KCNK3: variants seen among roughly 807,000 people sequenced by gnomAD.
The protein encoded by KCNK3 is potassium two pore domain channel subfamily K member 3, also known as potassium channel subfamily K member 3.
Under a neutral mutation model 27.3 loss-of-function variants are expected in KCNK3, and 9 were observed. The observed-to-expected ratio is 0.33, with a 90% CI of 0.20 to 0.57. The LOEUF (loss-of-function observed/expected upper bound fraction) is 0.57, where lower values mean the gene tolerates loss of function less well. Among genes scored for constraint, KCNK3 ranks in the 20% least tolerant of loss-of-function variants. The pLI is 0.87. For synonymous variants in KCNK3, 278 were observed against 273.8 expected, an observed-to-expected ratio of 1.02 and a Z score of -0.15; for missense variants, 391 against 577.7, an observed-to-expected ratio of 0.68 and a Z score of 3.31.
chr2:26,710,385 C>T (rs932738594), intron 1 of KCNK3, among the ~76,000 whole-genome samples: 1 of 152,188 alleles, frequency 6.6e-6, no homozygotes, highest in Admixed American at 6.5e-5. Flanking sequence ...CTCGGTGCTT[C>T]TCGAGAAGGG....
Position 26,721,656 on chromosome 2 carries a change from C to T in KCNK3, c.284-6011C>T, listed in dbSNP as rs1663330270. Among the ~76,000 whole-genome samples, 1 of 152,124 alleles carries T rather than the reference C, an allele frequency of 6.6e-6. No homozygotes were observed. Among genetic ancestry groups the T allele is most frequent in the Admixed American group, 6.5e-5 (1 of 15,274 alleles). ...GGGAGCCCAGCCTTCCTCTGAGGGC[C>T]CTCCCTGTGTCTTGCAGCCCCCAGA... On this transcript the variant is annotated intron_variant, in intron 1 of 1. Coordinates refer to ENST00000302909, the MANE Select transcript of KCNK3 (RefSeq NM_002246.3). This position sits in a 1 kb window ranked among gnomAD's most constrained non-coding sequence, Gnocchi z 4.3.
chr2:26,714,571 A>G (rs540476103), intron 1 of KCNK3, among the ~76,000 whole-genome samples: 1 of 21,466 alleles, frequency 4.7e-5, no homozygotes, highest in African/African-American at 1.8e-4. Flanking sequence ...CCAGGCCATC[A>G]TTTTCCAGAA....
chr2:26,732,395 T>C lies in KCNK3; in HGVS notation c.*3827T>C, dbSNP rs1663556796. The C allele has an allele frequency of 6.6e-6, 1 of 152,238 alleles. No homozygotes were observed. Among genetic ancestry groups the C allele is most frequent in the African/African-American group, 2.4e-5 (1 of 41,452 alleles). The allele number at this position is 152,238 out of a possible 1,614,324, so 9.4% of individuals were successfully genotyped here. On this transcript the variant is annotated 3_prime_UTR_variant, in exon 2 of 2. Transcript: ENST00000302909. ...CTGCTAATGGTTTAATACCTGCAGA[T>C]TGAAATATACTGGAGAAATAAAGAG...
chr2:26,711,430 A>G (rs994647261), intron 1 of KCNK3, among the ~76,000 whole-genome samples: 1 of 152,188 alleles, frequency 6.6e-6, no homozygotes, highest in African/African-American at 2.4e-5. Context: ...AGTGACTCCC[A>G]GTCTGGAAGT....
chr2:26,699,964 C>A (rs1396712725), intron 1 of KCNK3, among the ~76,000 whole-genome samples: 1 of 152,188 alleles, frequency 6.6e-6, no homozygotes, highest in East Asian at 1.9e-4. Flanking sequence ...CCCCATGGAG[C>A]CTCTGCGACT....
At chr2:26,724,049 C>T (rs534933200) in intron 1 of KCNK3, among the ~76,000 whole-genome samples, 3 of 152,338 alleles carry the variant, frequency 2.0e-5, no homozygotes, top group African/African-American at 7.2e-5. Flanking sequence ...AGGCAGGCAG[C>T]GGGCCTGCTG....
At chr2:26,698,524 G>A (rs1045160970) in intron 1 of KCNK3, among the ~76,000 whole-genome samples, 46 of 152,298 alleles carry the variant, frequency 3.0e-4, no homozygotes, top group African/African-American at 1.1e-3. Flanking sequence ...TACAGAGAAG[G>A]CACTTAATAA....
chr2:26,725,983 C>G (rs1419798912), intron 1 of KCNK3, among the ~76,000 whole-genome samples: 1 of 152,128 alleles, frequency 6.6e-6, no homozygotes, highest in Non-Finnish European at 1.5e-5. Flanking sequence ...GTGCATTACA[C>G]ACATGATCTT....
intron 1 of KCNK3, among the ~76,000 whole-genome samples, chr2:26,708,524 A>G (rs1317103992): frequency 6.6e-6 from 1 of 152,078 alleles, no homozygotes. Context: ...AAGAAATACA[A>G]AAAAATTAGC....
At chr2:26,719,433 T>G (rs1205670839) in intron 1 of KCNK3, among the ~76,000 whole-genome samples, 2 of 152,148 alleles carry the variant, frequency 1.3e-5, no homozygotes. Flanking sequence ...GCATTTCCTA[T>G]CCACCCTTCA....
At position 26,728,668 on chromosome 2, in the gene KCNK3, CACA is replaced by C; in HGVS notation, c.*104_*106del. ...CTGCCTTCTGCCCAGTGGGACCCCG[CACA>C]ACATCCCTCACCACTCTCCCCCAGC... On this transcript the variant is annotated 3_prime_UTR_variant, in exon 2 of 2. Transcript: ENST00000302909. 1 of 994,530 alleles carries C rather than the reference CACA, an allele frequency of 1.0e-6. No individual in the cohort carries two copies. Among genetic ancestry groups the C allele is most frequent in the South Asian group, 2.3e-5 (1 of 43,208 alleles). The allele number at this position is 994,530 out of a possible 1,614,324, so 61.6% of individuals were successfully genotyped here.
At chr2:26,711,936 G>C (rs769046035) in intron 1 of KCNK3, among the ~76,000 whole-genome samples, 23 of 152,114 alleles carry the variant, frequency 1.5e-4, no homozygotes, top group Non-Finnish European at 2.8e-4. Flanking sequence ...AGATTGCCTG[G>C]GTCCTCGGGA....
intron 1 of KCNK3, among the ~76,000 whole-genome samples, chr2:26,694,162 T>C (rs1237105174): frequency 6.6e-6 from 1 of 152,140 alleles, no homozygotes; most frequent in Non-Finnish European, 1.5e-5. Context: ...GCAAGTCCCT[T>C]CCCCTGTCTG....
At chr2:26,697,956 C>T (rs1011390669) in intron 1 of KCNK3, among the ~76,000 whole-genome samples, 14 of 152,124 alleles carry the variant, frequency 9.2e-5, no homozygotes, top group African/African-American at 3.1e-4. Context: ...TCCCAGAGGT[C>T]CTAAAATAAG....
chr2:26,699,793 C>T (rs1382823804), intron 1 of KCNK3, among the ~76,000 whole-genome samples: 1 of 152,214 alleles, frequency 6.6e-6, no homozygotes, highest in Non-Finnish European at 1.5e-5. Context: ...CTCCACACTG[C>T]TCCAGGACGG....
intron 1 of KCNK3, among the ~76,000 whole-genome samples, chr2:26,720,150 G>A (rs529223935): frequency 8.4e-4 from 128 of 152,342 alleles, no homozygotes; most frequent in Admixed American, 1.5e-3. Flanking sequence ...AGCTACTCGG[G>A]AGGCTGAGGC....
chr2:26,712,946 A>T (rs191043576), intron 1 of KCNK3, among the ~76,000 whole-genome samples: 1 of 152,222 alleles, frequency 6.6e-6, no homozygotes, highest in African/African-American at 2.4e-5. Context: ...GCCAGCCCAG[A>T]GCTGTCTGGG....
chr2:26,719,321 C>T (rs377290926), intron 1 of KCNK3, among the ~76,000 whole-genome samples: 2 of 152,330 alleles, frequency 1.3e-5, no homozygotes, highest in South Asian at 2.1e-4. Context: ...TTTGTGAGCA[C>T]ACCCACCAGT....
chr2:26,695,221 C>T (rs2148252865), intron 1 of KCNK3, among the ~76,000 whole-genome samples: 1 of 152,098 alleles, frequency 6.6e-6, no homozygotes, highest in Non-Finnish European at 1.5e-5. Flanking sequence ...TTTTTCTTTT[C>T]TTTTTTCTTT....
Sources: allele counts gnomAD v4.1 joint callset (sites outside exome capture counted in the v4.1 genomes callset), GRCh38; gene constraint gnomAD v4.1.1; non-coding constraint Gnocchi (gnomAD v3.1); transcripts MANE v1.5; gene names NCBI Gene and HGNC (gene_info 2026-07-23, HGNC 2026-07-21).